Variants in NOL10 observed in about 807,000 individuals in gnomAD.
The protein encoded by NOL10 is nucleolar protein 10.
A neutral mutation model predicts 103.5 loss-of-function variants in NOL10; 58 were observed. That is an observed-to-expected ratio of 0.56 (90% CI 0.45 to 0.70). NOL10 has a LOEUF of 0.70. Among genes scored for constraint, NOL10 ranks in the 30% least tolerant of loss-of-function variants. NOL10 has a pLI of 0.00. For synonymous variants in NOL10, 287 were observed against 282.5 expected (o/e 1.02, Z -0.16); for missense variants, 763 against 807.3 (o/e 0.95, Z 0.67).
intron 2 of NOL10, among the ~76,000 whole-genome samples, chr2:10,683,723 C>T (rs776725994): frequency 6.6e-5 from 10 of 152,190 alleles, no homozygotes; most frequent in East Asian, 1.9e-4. Flanking sequence ...TCGGCCACAA[C>T]GCAAATCCAC....
intron 4 of NOL10, among the ~76,000 whole-genome samples, chr2:10,674,389 T>C (rs1452196440): frequency 3.3e-5 from 5 of 152,164 alleles, no homozygotes; most frequent in Non-Finnish European, 7.3e-5. Flanking sequence ...TCAGTGCCAT[T>C]CAAAATTCTA....
At chr2:10,631,443 G>A (rs552994618) in intron 13 of NOL10, among the ~76,000 whole-genome samples, 1 of 152,236 alleles carries the variant, frequency 6.6e-6, no homozygotes, top group South Asian at 2.1e-4. Context: ...AAAAAATTAA[G>A]ACAAAAGCTA....
intron 16 of NOL10, 29 bp downstream of exon 16, chr2:10,602,746 GA>G: frequency 7.5e-7 from 1 of 1,333,092 alleles, no homozygotes; most frequent in Non-Finnish European, 1.1e-6. Context: ...ACTCTTCTCT[GA>G]TAAATTCAAT....
intron 13 of NOL10, among the ~76,000 whole-genome samples, chr2:10,631,420 T>G (rs1677832505): frequency 5.3e-5 from 8 of 152,236 alleles, no homozygotes; most frequent in Admixed American, 5.2e-4. Context: ...AGCCAACTTC[T>G]GCACAAATTC....
At chr2:10,629,640 A>C (rs6752034) in intron 13 of NOL10, among the ~76,000 whole-genome samples, 11 of 152,064 alleles carry the variant, frequency 7.2e-5, no homozygotes, top group Non-Finnish European at 1.5e-5. Context: ...TTATTTAAAC[A>C]ACCAGATGTT....
intron 13 of NOL10, among the ~76,000 whole-genome samples, chr2:10,618,044 T>C (rs112730575): frequency 7.5e-6 from 1 of 133,800 alleles, no homozygotes; most frequent in East Asian, 2.6e-4. Flanking sequence ...GTTTTTTTTT[T>C]TTTTTCTTTT....
At position 10,597,623 on chromosome 2, in the gene NOL10, C is replaced by G. The variant is rs904449318; in HGVS notation, c.1422+3230G>C. 3.9e-5 allele frequency among the ~76,000 whole-genome samples: 6 copies of G among 152,318 alleles called. No individual in the cohort carries two copies. In the South Asian group the frequency reaches 6.2e-4, roughly 16 times the overall value. Reference sequence around the variant, plus strand: ...TTTTCCAAGCACAGCCTCAGATTTTCAAAAGACCATATATAAATATTTCTG... The same window carrying G: ...TTTTCCAAGCACAGCCTCAGATTTTGAAAAGACCATATATAAATATTTCTG... On this transcript the variant is annotated intron_variant, in intron 17 of 20. Coordinates refer to ENST00000381685, the MANE Select transcript of NOL10 (RefSeq NM_024894.4).
chr2:10,627,926 A>T (rs1677583809), intron 13 of NOL10, among the ~76,000 whole-genome samples: 2 of 152,152 alleles, frequency 1.3e-5, no homozygotes, highest in African/African-American at 4.8e-5. Flanking sequence ...ATAATAAAAA[A>T]TTAAAAATAT....
chr2:10,612,661 A>G (rs1390115793), intron 13 of NOL10, among the ~76,000 whole-genome samples: 8 of 151,802 alleles, frequency 5.3e-5, no homozygotes, highest in Non-Finnish European at 1.2e-4. Flanking sequence ...CACCACCACA[A>G]CCAGCTAAAT....
At chr2:10,623,169 T>G (rs1677246268) in intron 13 of NOL10, among the ~76,000 whole-genome samples, 1 of 151,944 alleles carries the variant, frequency 6.6e-6, no homozygotes, top group Non-Finnish European at 1.5e-5. Flanking sequence ...TTCAGTCCCT[T>G]GAATAAAACC....
At chr2:10,645,399 T>TA (rs1025514520) in intron 12 of NOL10, among the ~76,000 whole-genome samples, 1 of 152,238 alleles carries the variant, frequency 6.6e-6, no homozygotes, top group Admixed American at 6.5e-5. Flanking sequence ...ATTCTGTTTT[T>TA]AAAAATATTT....
At chr2:10,689,137 A>C (rs1682432065) in intron 1 of NOL10, among the ~76,000 whole-genome samples, 1 of 152,196 alleles carries the variant, frequency 6.6e-6, no homozygotes, top group Non-Finnish European at 1.5e-5. Flanking sequence ...TCAGAGCCTA[A>C]GTGTGTCATG....
At position 10,587,271 on chromosome 2, in the gene NOL10, A is replaced by T. The variant is rs1197370549; in HGVS notation, c.1844+1772T>A. On this transcript the variant is annotated intron_variant, in intron 19 of 20. Transcript: ENST00000381685. ...TATATATATATACACATATATATATATATATTTTTTTTTTTTTTGAGATGG... is the reference window on the plus strand; with the variant it reads ...TATATATATATACACATATATATATTTATATTTTTTTTTTTTTTGAGATGG... Among the ~76,000 whole-genome samples, 196 of 20,968 alleles carry T rather than the reference A, an allele frequency of 9.3e-3. 25 individuals are homozygous for T. The highest frequency in any genetic ancestry group is 0.033 in the East Asian group (25 of 748). The allele number at this position is 20,968 out of a possible 152,430, so 13.8% of individuals were successfully genotyped here. A position where few individuals can be genotyped will look rare whatever the true frequency, so the allele number is the denominator to read the frequency against.
chr2:10,632,539 T>C (rs2110779), intron 13 of NOL10, among the ~76,000 whole-genome samples: 32,716 of 152,100 alleles, frequency 0.22, 4,593 homozygotes, highest in East Asian at 0.44. Context: ...ACTTTGCAAA[T>C]TGTAAGTAAC....
At chr2:10,606,268 A>G (rs1018903504) in intron 14 of NOL10, among the ~76,000 whole-genome samples, 69 of 151,500 alleles carry the variant, frequency 4.6e-4, no homozygotes, top group Admixed American at 7.9e-4. Flanking sequence ...TAATGGAATC[A>G]TAATAGTACC....
intron 14 of NOL10, 55 bp from the exon 15 acceptor site, chr2:10,603,212 C>T (rs1676075170): frequency 1.5e-6 from 2 of 1,324,030 alleles, no homozygotes; most frequent in Non-Finnish European, 2.1e-6. Context: ...CATTAACATT[C>T]AACAGTTTTT....
intron 13 of NOL10, among the ~76,000 whole-genome samples, chr2:10,621,373 C>T (rs1055544604): frequency 2.6e-5 from 4 of 152,046 alleles, no homozygotes; most frequent in Non-Finnish European, 4.4e-5. Context: ...GCAGGAGTAT[C>T]GTTTGAGCCC....
intron 13 of NOL10, among the ~76,000 whole-genome samples, chr2:10,616,891 T>C (rs1676862061): frequency 6.6e-6 from 1 of 152,106 alleles, no homozygotes; most frequent in South Asian, 2.1e-4. Context: ...TCCCTCCCCA[T>C]TCACTTATTC....
rs1362129589 is a variant in NOL10 at position 10,654,534 on chromosome 2, G to A, written c.920C>T (p.Thr307Ile). The change falls in exon 12 of 21, where the codon ACT becomes ATT. Residue 307 changes from threonine (T) to isoleucine (I), a missense_variant. By Grantham distance (89) the Thr-to-Ile change is moderately conservative. Coordinates refer to ENST00000381685, the MANE Select transcript of NOL10 (RefSeq NM_024894.4). ...AAGGTCATGCTCTGGCTCCAAGGAA[G>A]TAAATATTTTTCCCTAAAAATAGCA... ...MWNKNSGKIFTSLEPEHDLND... is the reference protein window; with the variant it reads ...MWNKNSGKIFISLEPEHDLND... 1 of 1,593,562 alleles carries A rather than the reference G, an allele frequency of 6.3e-7. No homozygotes were observed. The highest frequency in any genetic ancestry group is 8.5e-7 in the Non-Finnish European group (1 of 1,174,016).
Sources: gnomAD v4.1 joint callset for allele counts (sites outside exome capture counted in the v4.1 genomes callset) on GRCh38, gnomAD v4.1.1 for gene constraint, MANE v1.5 for transcripts, NCBI Gene and HGNC (gene_info 2026-07-23, HGNC 2026-07-21) for gene names.